The following TP63 variants were observed in gnomAD, a reference collection of about 807,000 sequenced individuals.
TP63 encodes tumor protein p63.
In TP63, 17 loss-of-function variants were observed where a neutral mutation model predicts 82.8. The ratio of observed to expected loss-of-function variants is 0.21; its 90% CI spans 0.14 to 0.31. The LOEUF is 0.31. TP63 is among the 10% of genes least tolerant of loss of function. TP63 has a pLI of 1.00. For missense variants in TP63, 648 were observed against 895.3 expected, an observed-to-expected ratio of 0.72 and a Z score of 3.52; for synonymous variants, 330 against 321.7, an observed-to-expected ratio of 1.03 and a Z score of -0.28.
At chr3:189,762,825 G>A (rs1023064382) in intron 3 of TP63, among the ~76,000 whole-genome samples, 3 of 152,172 alleles carry the variant, frequency 2.0e-5, no homozygotes, top group African/African-American at 7.2e-5. Flanking sequence ...TAGAGTGGGT[G>A]AGGAGACAGA....
At chr3:189,843,630 T>C (rs1714463929) in intron 4 of TP63, among the ~76,000 whole-genome samples, 1 of 152,184 alleles carries the variant, frequency 6.6e-6, no homozygotes, top group Admixed American at 6.5e-5. Context: ...ATCATTGTGA[T>C]AGATCCAAAA....
Position 189,866,772 on chromosome 3 carries a change from T to C in TP63, c.857T>C (p.Val286Ala). 1.9e-6 allele frequency: 3 copies of C among 1,614,080 alleles called. No homozygotes were observed. The highest frequency in any genetic ancestry group is 1.7e-6 in the Non-Finnish European group (2 of 1,179,976). ...GATCCCATCACAGGAAGACAGAGTG[T>C]GCTGGTACCTTATGAGCCACCCCAG... ...VEDPITGRQSVLVPYEPPQVG... is the reference protein window; with the variant it reads ...VEDPITGRQSALVPYEPPQVG... The change falls in exon 6 of 14, where the codon GTG (valine) becomes GCG (alanine). Residue 286 changes from valine to alanine, a missense_variant. Physicochemically the swap from Val to Ala is moderately conservative, Grantham distance 64 (BLOSUM62 0). Around this residue, in one of 5 missense-constraint regions of TP63, gnomAD observed 30 missense variants for 26.4 expected, o/e 1.14. Transcript: ENST00000264731.
chr3:189,757,629 A>T (rs533969844), intron 3 of TP63, among the ~76,000 whole-genome samples: 1 of 152,298 alleles, frequency 6.6e-6, no homozygotes, highest in Admixed American at 6.5e-5. Flanking sequence ...ATCTACACAG[A>T]TTTGTATTTT....
chr3:189,604,203 G>C, the TP63 span, among the ~76,000 whole-genome samples: 1 of 152,080 alleles, frequency 6.6e-6, no homozygotes, highest in African/African-American at 2.4e-5. Context: ...TTAAGAAATT[G>C]TTTCACTTCT....
At chr3:189,769,638 T>G (rs1723190359) in intron 3 of TP63, among the ~76,000 whole-genome samples, 1 of 152,192 alleles carries the variant, frequency 6.6e-6, no homozygotes, top group African/African-American at 2.4e-5. Context: ...AATAAATGGT[T>G]TATATACCAT....
At chr3:189,728,198 G>A (rs1411587258) in intron 1 of TP63, among the ~76,000 whole-genome samples, 1 of 150,748 alleles carries the variant, frequency 6.6e-6, no homozygotes, top group Non-Finnish European at 1.5e-5. Context: ...GAGTAGAGAT[G>A]ATGAGAAATA....
At chr3:189,829,504 G>A (rs981669854) in intron 4 of TP63, among the ~76,000 whole-genome samples, 7 of 152,162 alleles carry the variant, frequency 4.6e-5, no homozygotes, top group Non-Finnish European at 7.4e-5. Context: ...AACAGCACGT[G>A]TTATTTTAGA....
chr3:189,793,149 G>A (rs770270733), intron 3 of TP63, among the ~76,000 whole-genome samples: 10 of 151,882 alleles, frequency 6.6e-5, no homozygotes, highest in Non-Finnish European at 1.0e-4. Flanking sequence ...GGTTGTCCTC[G>A]AGCCCAGAGG....
the TP63 span, among the ~76,000 whole-genome samples, chr3:189,615,901 A>G: frequency 6.6e-6 from 1 of 152,174 alleles, no homozygotes; most frequent in Admixed American, 6.5e-5. Context: ...AAGTTAACCT[A>G]TCTGTAAAGT....
chr3:189,790,669 T>A (rs1262891187), intron 3 of TP63, among the ~76,000 whole-genome samples: 1 of 152,044 alleles, frequency 6.6e-6, no homozygotes. Context: ...TTAGTTTACA[T>A]TCCTCAGAAT....
chr3:189,741,518 A>G (rs1386545440), intron 3 of TP63, among the ~76,000 whole-genome samples: 1 of 152,208 alleles, frequency 6.6e-6, no homozygotes, highest in Non-Finnish European at 1.5e-5. Context: ...ATAGGTTAAT[A>G]GCTAAATAAT....
intron 10 of TP63, among the ~76,000 whole-genome samples, chr3:189,876,247 A>G (rs1031415785): frequency 2.6e-5 from 4 of 152,310 alleles, no homozygotes; most frequent in South Asian, 2.1e-4. Context: ...GTTCAGGGGC[A>G]TATGCTAAAT....
intron 1 of TP63, among the ~76,000 whole-genome samples, chr3:189,634,115 T>A (rs970659445): frequency 6.6e-6 from 1 of 152,092 alleles, no homozygotes; most frequent in South Asian, 2.1e-4. Context: ...GTAAATGGGT[T>A]TGAGCTGGTT....
intron 4 of TP63, among the ~76,000 whole-genome samples, chr3:189,847,769 G>A (rs1476212450): frequency 6.6e-6 from 1 of 152,112 alleles, no homozygotes; most frequent in Non-Finnish European, 1.5e-5. Context: ...TTATGTTCAA[G>A]CTCCCATTGT....
intron 3 of TP63, chr3:189,789,967 T>A (rs1724969609): frequency 3.4e-6 from 3 of 873,406 alleles, no homozygotes; most frequent in Admixed American, 4.2e-5. Flanking sequence ...TATATAGGAA[T>A]CTCCTTTTCT....
At chr3:189,635,074 G>A (rs74755888) in intron 1 of TP63, among the ~76,000 whole-genome samples, 2,048 of 151,906 alleles carry the variant, frequency 0.013, 24 homozygotes, top group East Asian at 0.046. Context: ...TGATCACTGA[G>A]GGCTAAGAAT....
chr3:189,704,458 G>A (rs1023496481), intron 1 of TP63, among the ~76,000 whole-genome samples: 1 of 152,144 alleles, frequency 6.6e-6, no homozygotes, highest in African/African-American at 2.4e-5. Context: ...TAAATGCCAG[G>A]ATCTCAGGGA....
Position 189,699,980 on chromosome 3 carries a change from G to A in TP63, c.63-37760G>A, listed in dbSNP as rs866136124. On this transcript the variant is annotated intron_variant, in intron 1 of 13. Transcript: ENST00000264731. ...CTTGTTTTAGAAACAAAAGAGTTAT[G>A]TGCGCTGATGCTGTTTGGTGACTGG... Among the ~76,000 whole-genome samples, 6 of 152,150 alleles carry A rather than the reference G, an allele frequency of 3.9e-5. No homozygotes were observed. The South Asian group carries it at 1.2e-3, about 32-fold the overall frequency.
chr3:189,684,788 G>A (rs895323512), intron 1 of TP63, among the ~76,000 whole-genome samples: 5 of 151,678 alleles, frequency 3.3e-5, no homozygotes, highest in Non-Finnish European at 5.9e-5. Context: ...ACGTTACCAA[G>A]CCCAGCTAAT....
Sources: gnomAD v4.1 joint callset for allele counts (sites outside exome capture counted in the v4.1 genomes callset) on GRCh38, gnomAD v4.1.1 for gene constraint, gnomAD v4.1.1 regional missense constraint, MANE v1.5 for transcripts, NCBI Gene and HGNC (gene_info 2026-07-23, HGNC 2026-07-21) for gene names.